Variants in KLHL32 observed in about 807,000 individuals in gnomAD.
KLHL32 encodes the protein kelch-like protein 32.
KLHL32 carries 35 observed loss-of-function variants against 64.8 expected under a neutral mutation model. The ratio of observed to expected loss-of-function variants is 0.54; its 90% CI spans 0.41 to 0.72. The LOEUF (loss-of-function observed/expected upper bound fraction) is 0.72. KLHL32 is among the 30% of genes least tolerant of loss of function. The pLI is 0.00. For synonymous variants in KLHL32, 259 were observed against 281.0 expected (o/e 0.92, Z 0.78); for missense variants, 589 against 768.5 (o/e 0.77, Z 2.76).
At chr6:96,915,780 G>A in the KLHL32 span, among the ~76,000 whole-genome samples, 6 of 152,100 alleles carry the variant, frequency 3.9e-5, no homozygotes, top group African/African-American at 1.2e-4. Context: ...GTCAGAATAT[G>A]CCACCCCAAA....
rs544838489 is a variant in KLHL32 at position 97,056,781 on chromosome 6, A to G, written c.313-7847A>G. Among the ~76,000 whole-genome samples, 3 of 152,282 alleles carry G rather than the reference A, an allele frequency of 2.0e-5. No individual in the cohort carries two copies. The East Asian group carries it at 5.8e-4, about 29-fold the overall frequency. Reference sequence around the variant, plus strand: ...CAGCTGGGTGCAGTGGGTCACGACCATAGTCTCAGCACTTTGGGAGGCCAA... The same window carrying G: ...CAGCTGGGTGCAGTGGGTCACGACCGTAGTCTCAGCACTTTGGGAGGCCAA... On this transcript the variant is annotated intron_variant, in intron 4 of 10. Transcript: ENST00000369261.
At chr6:96,998,937 TA>T in intron 3 of KLHL32, among the ~76,000 whole-genome samples, 1 of 152,276 alleles carries the variant, frequency 6.6e-6, no homozygotes, top group East Asian at 1.9e-4. Flanking sequence ...TAGAAATCAT[TA>T]ATAACTAGAA....
At chr6:97,024,924 C>T in intron 3 of KLHL32, 2 of 873,804 alleles carry the variant, frequency 2.3e-6, no homozygotes, top group Non-Finnish European at 2.7e-6. Flanking sequence ...CTTTTCTATG[C>T]TTTTAAGATT....
intron 3 of KLHL32, among the ~76,000 whole-genome samples, chr6:97,028,067 C>G (rs1206928512): frequency 6.6e-6 from 1 of 152,114 alleles, no homozygotes; most frequent in African/African-American, 2.4e-5. Flanking sequence ...CTCATCACTT[C>G]AAGTATTCAA....
intron 7 of KLHL32, among the ~76,000 whole-genome samples, chr6:97,120,836 T>G (rs576165630): frequency 1.3e-4 from 20 of 152,310 alleles, no homozygotes; most frequent in Non-Finnish European, 2.9e-4. Context: ...CTTTGTTGCT[T>G]TAGATCCTAG....
At chr6:96,956,342 A>T (rs569185881) in intron 1 of KLHL32, among the ~76,000 whole-genome samples, 1 of 152,336 alleles carries the variant, frequency 6.6e-6, no homozygotes, top group African/African-American at 2.4e-5. Flanking sequence ...TAGTAACTTC[A>T]TGAAGGTCAC....
intron 4 of KLHL32, among the ~76,000 whole-genome samples, chr6:97,045,502 C>T (rs1047971124): frequency 6.6e-6 from 1 of 151,828 alleles, no homozygotes; most frequent in Non-Finnish European, 1.5e-5. Context: ...TGTAAAACTA[C>T]CCAAGTAAAT....
chr6:96,985,268 TG>T (rs891260799), intron 3 of KLHL32, among the ~76,000 whole-genome samples: 102 of 152,362 alleles, frequency 6.7e-4, no homozygotes, highest in African/African-American at 2.4e-3. Context: ...CTTCCCTTTG[TG>T]GGTAACCTGG....
At chr6:97,098,183 T>C (rs1342208259) in intron 6 of KLHL32, among the ~76,000 whole-genome samples, 1 of 152,150 alleles carries the variant, frequency 6.6e-6, no homozygotes, top group Non-Finnish European at 1.5e-5. Flanking sequence ...AATGTGCAGC[T>C]CACATTGTGT....
upstream of KLHL32, among the ~76,000 whole-genome samples, chr6:96,923,865 T>C (rs1448611504): frequency 6.6e-6 from 1 of 152,190 alleles, no homozygotes; most frequent in Non-Finnish European, 1.5e-5. Flanking sequence ...TACTTACCTA[T>C]TAAAATTACC....
At chr6:97,094,349 C>T (rs1337542330) in intron 6 of KLHL32, among the ~76,000 whole-genome samples, 1 of 152,172 alleles carries the variant, frequency 6.6e-6, no homozygotes. Flanking sequence ...GAAGCCTCAA[C>T]ATTTATTGTT....
chr6:97,134,632 A>G (rs756934016), intron 10 of KLHL32, among the ~76,000 whole-genome samples: 10 of 152,182 alleles, frequency 6.6e-5, no homozygotes, highest in Non-Finnish European at 8.8e-5. Context: ...CATGAAATAA[A>G]ATTGTAAATT....
chr6:97,136,523 G>A (rs1203882254), intron 10 of KLHL32, among the ~76,000 whole-genome samples: 1 of 152,212 alleles, frequency 6.6e-6, no homozygotes, highest in Non-Finnish European at 1.5e-5. Context: ...TTTAGTGGGT[G>A]TGTAAACTAA....
intron 1 of KLHL32, among the ~76,000 whole-genome samples, chr6:96,949,009 ATTAAT>A (rs1731406340): frequency 6.6e-6 from 1 of 152,212 alleles, no homozygotes; most frequent in African/African-American, 2.4e-5. Flanking sequence ...AAGATTTTAG[ATTAAT>A]TTCATTTCTT....
At chr6:96,968,588 C>T (rs557355251) in intron 2 of KLHL32, among the ~76,000 whole-genome samples, 36 of 152,236 alleles carry the variant, frequency 2.4e-4, no homozygotes, top group African/African-American at 7.5e-4. Context: ...TCTGCCATCC[C>T]GTTCTTATTA....
At chr6:97,112,042 G>C (rs1797218517) in intron 6 of KLHL32, among the ~76,000 whole-genome samples, 1 of 151,926 alleles carries the variant, frequency 6.6e-6, no homozygotes, top group African/African-American at 2.4e-5. Context: ...GGGGGGGTGG[G>C]GTGGATCATG....
chr6:97,042,546 G>A (rs1785283238), intron 4 of KLHL32, among the ~76,000 whole-genome samples: 1 of 152,136 alleles, frequency 6.6e-6, no homozygotes, highest in Non-Finnish European at 1.5e-5. Context: ...ATGTAAATGT[G>A]ATGTTCTGAT....
intron 1 of KLHL32, among the ~76,000 whole-genome samples, chr6:96,957,844 T>A (rs7762622): frequency 0.49 from 75,137 of 152,058 alleles, 19,037 homozygotes; most frequent in African/African-American, 0.59. Flanking sequence ...GAAACTTTTA[T>A]TATTTAATGT....
chr6:97,040,304 G>T (rs1333044657), intron 3 of KLHL32, among the ~76,000 whole-genome samples: 4 of 151,450 alleles, frequency 2.6e-5, no homozygotes, highest in African/African-American at 9.8e-5. Context: ...ATTAGCATGG[G>T]GTTGTATTTT....
Sources: gnomAD v4.1 joint callset for allele counts (sites outside exome capture counted in the v4.1 genomes callset) on GRCh38, gnomAD v4.1.1 for gene constraint, MANE v1.5 for transcripts, NCBI Gene and HGNC (gene_info 2026-07-23, HGNC 2026-07-21) for gene names.